AMZ1: variants seen among roughly 807,000 people sequenced by gnomAD.
AMZ1 encodes archaelysin family metallopeptidase 1.
A neutral mutation model predicts 29.9 loss-of-function variants in AMZ1; 39 were observed. That is an observed-to-expected ratio of 1.30 (90% CI 1.01 to 1.70). AMZ1 has a LOEUF of 1.70. Among genes scored for constraint, AMZ1 ranks in the 40% most tolerant of loss-of-function variants. The pLI, the probability that AMZ1 is intolerant of heterozygous loss-of-function variation, is 0.00. For synonymous variants in AMZ1, 458 were observed against 304.0 expected, an observed-to-expected ratio of 1.51 and a Z score of -5.27; for missense variants, 1,041 against 680.6, an observed-to-expected ratio of 1.53 and a Z score of -5.89.
At position 2,693,171 on chromosome 7, in the gene AMZ1, G is replaced by A. The variant is rs149908018; in HGVS notation, c.-219+4875G>A. ...GGCCGGAGTGCAGTGGCGCGATTTCGGCTCACCGCAACCTCCGCCTCCCGA... is the reference window on the plus strand; with the variant it reads ...GGCCGGAGTGCAGTGGCGCGATTTCAGCTCACCGCAACCTCCGCCTCCCGA... On this transcript the variant is annotated intron_variant, in intron 1 of 6. Coordinates refer to ENST00000683327, the MANE Select transcript of AMZ1 (RefSeq NM_001384743.1). Among the ~76,000 whole-genome samples, 27 of 151,130 alleles carry A rather than the reference G, an allele frequency of 1.8e-4. 1 individual carries two copies. In the South Asian group the frequency reaches 2.3e-3, roughly 13 times the overall value.
At chr7:2,689,786 C>A (rs138803282) in intron 1 of AMZ1, among the ~76,000 whole-genome samples, 2 of 152,294 alleles carry the variant, frequency 1.3e-5, no homozygotes, top group East Asian at 3.9e-4. Context: ...CAAAGGACAG[C>A]GAGAAACCTC....
In AMZ1 at chr7:2,702,726, G is replaced by C. The variant is rs1407375622; in HGVS notation, c.309G>C (p.Leu103=). The change falls in exon 3 of 7, where the codon CTG becomes CTC. Residue 103 remains leucine (L), a synonymous_variant. Transcript: ENST00000683327. ...RKHIYLQPID[L]SEEPVGSSLL... ...ACGGTGCTGCTCTCCCACCAGACCT[G>C]AGCGAGGAGCCGGTGGGAAGCTCCC... The C allele has an allele frequency of 7.8e-6, 12 of 1,533,956 alleles. No individual in the cohort carries two copies. The highest frequency in any genetic ancestry group is 1.1e-5 in the Non-Finnish European group (12 of 1,142,634).
chr7:2,706,974 A>C (rs1400618528), intron 3 of AMZ1, among the ~76,000 whole-genome samples: 1 of 152,018 alleles, frequency 6.6e-6, no homozygotes, highest in Non-Finnish European at 1.5e-5. Flanking sequence ...ATGGGATGTT[A>C]TCTCAAAAAC....
At chr7:2,739,173 G>T (rs1483975327) in intron 4 of AMZ1, among the ~76,000 whole-genome samples, 1 of 152,112 alleles carries the variant, frequency 6.6e-6, no homozygotes, top group Non-Finnish European at 1.5e-5. Context: ...TTTTCATTAG[G>T]TAAGATCTAC....
rs140322696 is a variant in AMZ1, at chr7:2,731,302, C to A, written n.550+21486C>A. ...GAAGTGGTGGAAGAGTGGCTTGCTG[C>A]GGTTCCGTCTCTTCCTGTCGAAGCA... On this transcript the variant is annotated intron_variant and non_coding_transcript_variant, in intron 4 of 4. Transcript: ENST00000489665. This position sits in a 1 kb window ranked among gnomAD's most constrained non-coding sequence, Gnocchi z 6.0. 4 of 1,613,682 alleles carry A rather than the reference C, an allele frequency of 2.5e-6. No homozygotes were observed. The Admixed American group carries it at 6.7e-5, about 27-fold the overall frequency.
intron 3 of AMZ1, among the ~76,000 whole-genome samples, chr7:2,703,096 G>T (rs1041058766): frequency 6.6e-6 from 1 of 152,220 alleles, no homozygotes; most frequent in South Asian, 2.1e-4. Flanking sequence ...CATACAGCCA[G>T]TGCCCACAGG....
chr7:2,738,796 C>A (rs563749335), intron 4 of AMZ1, among the ~76,000 whole-genome samples: 1 of 152,194 alleles, frequency 6.6e-6, no homozygotes, highest in African/African-American at 2.4e-5. Flanking sequence ...AGGTTAGAGG[C>A]GGAACCTAGA....
intron 4 of AMZ1, among the ~76,000 whole-genome samples, chr7:2,757,007 G>A (rs1294449119): frequency 2.6e-5 from 4 of 152,182 alleles, no homozygotes; most frequent in African/African-American, 9.7e-5. Context: ...TGGGGAGTTC[G>A]AGGCTGCAGT....
At chr7:2,733,398 A>G in intron 4 of AMZ1, 1 of 1,437,742 alleles carries the variant, frequency 7.0e-7, no homozygotes, top group Non-Finnish European at 9.4e-7. Context: ...TGGTCTCTGG[A>G]CACGTTTTCT....
downstream of AMZ1, among the ~76,000 whole-genome samples, chr7:2,723,988 T>C (rs1036111961): frequency 3.9e-5 from 6 of 152,008 alleles, no homozygotes; most frequent in Admixed American, 1.3e-4. Context: ...TTCACTGCAA[T>C]GTCCACCTCC....
At chr7:2,706,215 A>G (rs1046723743) in intron 3 of AMZ1, among the ~76,000 whole-genome samples, 1 of 151,972 alleles carries the variant, frequency 6.6e-6, no homozygotes, top group Non-Finnish European at 1.5e-5. Context: ...TTGCTTTGTG[A>G]CCCAGGCTCA....
upstream of AMZ1, among the ~76,000 whole-genome samples, chr7:2,683,730 G>A (rs1415183196): frequency 2.0e-5 from 3 of 152,106 alleles, no homozygotes; most frequent in East Asian, 3.9e-4. Context: ...GAGCCACCGC[G>A]CCCAGCTCTG....
At chr7:2,744,061 C>T (rs1280834930) in intron 4 of AMZ1, among the ~76,000 whole-genome samples, 1 of 152,356 alleles carries the variant, frequency 6.6e-6, no homozygotes, top group South Asian at 2.1e-4. Context: ...CTCAAGGAGG[C>T]CTGCCTGCCT....
chr7:2,755,255 G>T (rs748694672), intron 4 of AMZ1, among the ~76,000 whole-genome samples: 1 of 152,074 alleles, frequency 6.6e-6, no homozygotes, highest in African/African-American at 2.4e-5. Flanking sequence ...GTGCCTTTCC[G>T]CATACATTTT....
chr7:2,740,805 G>C (rs1301102676), intron 4 of AMZ1, among the ~76,000 whole-genome samples: 2 of 152,188 alleles, frequency 1.3e-5, no homozygotes, highest in Non-Finnish European at 2.9e-5. Context: ...AGCACTTTGG[G>C]AGGCCGAGGC....
intron 4 of AMZ1, among the ~76,000 whole-genome samples, chr7:2,754,650 G>T (rs920817024): frequency 6.6e-6 from 1 of 152,080 alleles, no homozygotes. Flanking sequence ...AGGGGAGGCT[G>T]GGACAAGAGG....
chr7:2,682,699 C>T (rs1195614973), intron 1 of AMZ1, among the ~76,000 whole-genome samples: 2 of 152,172 alleles, frequency 1.3e-5, no homozygotes, highest in East Asian at 1.9e-4. Context: ...ACACGGCTCC[C>T]CTGCTTGTGT....
At chr7:2,693,324 G>A (rs921753836) in intron 1 of AMZ1, among the ~76,000 whole-genome samples, 1 of 152,080 alleles carries the variant, frequency 6.6e-6, no homozygotes, top group African/African-American at 2.4e-5. Context: ...CTGACCTCAG[G>A]TGATTGCCCG....
chr7:2,692,130 T>C (rs911241235), intron 1 of AMZ1, among the ~76,000 whole-genome samples: 13 of 152,094 alleles, frequency 8.5e-5, no homozygotes, highest in Non-Finnish European at 1.8e-4. Context: ...TCCTGTGGCG[T>C]CGGGTGCTCC....
Sources: allele counts gnomAD v4.1 joint callset (sites outside exome capture counted in the v4.1 genomes callset), GRCh38; gene constraint gnomAD v4.1.1; non-coding constraint Gnocchi (gnomAD v3.1); transcripts MANE v1.5; gene names NCBI Gene and HGNC (gene_info 2026-07-23, HGNC 2026-07-21).